Variants in OTC observed in about 807,000 individuals in gnomAD.
The protein encoded by OTC is ornithine transcarbamylase, mitochondrial.
Under a neutral mutation model 30.3 loss-of-function variants are expected in OTC, and 3 were observed. That is an observed-to-expected ratio of 0.10 (90% CI 0.05 to 0.26). The LOEUF (loss-of-function observed/expected upper bound fraction) is 0.26, where lower values mean the gene tolerates loss of function less well. OTC is among the 10% of genes least tolerant of loss of function. OTC has a pLI of 1.00. For synonymous variants in OTC, 111 were observed against 99.7 expected (o/e 1.11, Z -0.67); for missense variants, 194 against 260.3 (o/e 0.75, Z 1.75).
chrX:38,332,160 A>G, the OTC span, among the ~76,000 whole-genome samples: 1 of 109,472 alleles, frequency 9.1e-6, no homozygotes, highest in African/African-American at 3.3e-5. Context: ...ATGATCTGTC[A>G]TTGTTTCCCA....
chrX:38,342,211 C>T, the OTC span, among the ~76,000 whole-genome samples: 6 of 107,485 alleles, frequency 5.6e-5, no homozygotes, highest in African/African-American at 2.0e-4. Flanking sequence ...TTAGTAGAGC[C>T]GGGGTTTCAC....
the OTC span, among the ~76,000 whole-genome samples, chrX:38,330,790 A>C: frequency 7.1e-5 from 8 of 111,899 alleles, no homozygotes; most frequent in South Asian, 3.0e-3. Flanking sequence ...GCCCTCTCCA[A>C]ATTTGCAATG....
At chrX:38,421,626 G>A (rs896105685), downstream of OTC, among the ~76,000 whole-genome samples, 3 of 111,551 alleles carry the variant, frequency 2.7e-5, no homozygotes, top group Non-Finnish European at 5.7e-5. Flanking sequence ...TTAAAATATA[G>A]CTATTACTGT....
At chrX:38,358,371 T>G (rs1252135159) in intron 1 of OTC, among the ~76,000 whole-genome samples, 6 of 111,410 alleles carry the variant, frequency 5.4e-5, no homozygotes, top group Non-Finnish European at 1.1e-4. Context: ...CAACTCCATT[T>G]TGGAGCCAAG....
chrX:38,405,222 G>A (rs2068509874), intron 6 of OTC, among the ~76,000 whole-genome samples: 2 of 111,747 alleles, frequency 1.8e-5, no homozygotes, highest in African/African-American at 6.5e-5. Context: ...TGCTTCACCA[G>A]GTGTTTTTAT....
intron 1 of OTC, among the ~76,000 whole-genome samples, chrX:38,365,739 T>C (rs1324161236): frequency 2.7e-5 from 3 of 112,229 alleles, no homozygotes; most frequent in Middle Eastern, 4.6e-3. Context: ...AAAGACAGGC[T>C]AGTTAGCTGT....
the OTC span, among the ~76,000 whole-genome samples, chrX:38,335,335 G>T: frequency 8.9e-6 from 1 of 112,387 alleles, no homozygotes; most frequent in Non-Finnish European, 1.9e-5. Flanking sequence ...TGCAGTGTCT[G>T]GTTTTCAGCA....
the OTC span, among the ~76,000 whole-genome samples, chrX:38,331,439 TTTGTTTTTTTTTTTTG>T: frequency 4.2e-5 from 3 of 70,825 alleles, no homozygotes; most frequent in East Asian, 3.7e-4. Context: ...TTGTTTTTTT[TTTGTTTTTTTTTTTTG>T]TTTGTTTTTT....
the OTC span, among the ~76,000 whole-genome samples, chrX:38,343,877 G>C: frequency 8.9e-6 from 1 of 112,160 alleles, no homozygotes; most frequent in African/African-American, 3.2e-5. Flanking sequence ...GAAAGGGTAT[G>C]GCAGGAAAAG....
chrX:38,370,143 T>C (rs913415547), intron 3 of OTC, among the ~76,000 whole-genome samples: 2 of 112,547 alleles, frequency 1.8e-5, no homozygotes, highest in South Asian at 3.6e-4. Flanking sequence ...AAAAGAAATA[T>C]AGGTGGGCAC....
chrX:38,369,696 T>G, intron 2 of OTC, 100 bp from the exon 3 acceptor site: 1 of 403,642 alleles, frequency 2.5e-6, no homozygotes, highest in Non-Finnish European at 4.1e-6. Flanking sequence ...AAACACTTAT[T>G]TGGGGGTAGT....
At chrX:38,407,625 GA>G (rs2068521833) in intron 6 of OTC, among the ~76,000 whole-genome samples, 1 of 111,215 alleles carries the variant, frequency 9.0e-6, no homozygotes, top group Admixed American at 9.6e-5. Context: ...CCCAGGAGGG[GA>G]CAAGAGAGGA....
intron 1 of OTC, among the ~76,000 whole-genome samples, chrX:38,361,663 G>A (rs5963415): frequency 0.41 from 45,471 of 110,567 alleles, 7,171 homozygotes; most frequent in Middle Eastern, 0.55. Context: ...CTATATCATA[G>A]GTTCTAAGAT....
At chrX:38,412,114 T>A (rs1234062742) in intron 9 of OTC, 115 bp downstream of exon 9, 1 of 720,654 alleles carries the variant, frequency 1.4e-6, no homozygotes, top group Non-Finnish European at 2.1e-6. Context: ...TACTTGCTCA[T>A]GTAACATCTA....
chrX:38,419,566 A>G (rs1230492921), intron 9 of OTC, among the ~76,000 whole-genome samples: 2 of 111,010 alleles, frequency 1.8e-5, no homozygotes, highest in Admixed American at 9.6e-5. Flanking sequence ...TACAATTTAT[A>G]CCTAAGTAAT....
the OTC span, among the ~76,000 whole-genome samples, chrX:38,340,797 A>ATT: frequency 2.1e-4 from 22 of 105,487 alleles, no homozygotes; most frequent in African/African-American, 7.3e-4. Flanking sequence ...TCAGTTTCTG[A>ATT]TTTTTTTTTT....
At chrX:38,379,850 C>T (rs753499711) in intron 3 of OTC, among the ~76,000 whole-genome samples, 54 of 110,909 alleles carry the variant, frequency 4.9e-4, no homozygotes, top group South Asian at 1.9e-3. Flanking sequence ...AGGATGGTCT[C>T]GATTTCCTGA....
intron 3 of OTC, among the ~76,000 whole-genome samples, chrX:38,373,253 C>G (rs1478511121): frequency 8.9e-6 from 1 of 112,059 alleles, no homozygotes; most frequent in Non-Finnish European, 1.9e-5. Context: ...TCTAACATCA[C>G]AGATTCATTT....
chrX:38,331,979 C>T, the OTC span, among the ~76,000 whole-genome samples: 1 of 111,005 alleles, frequency 9.0e-6, no homozygotes, highest in Admixed American at 9.6e-5. Flanking sequence ...AGGAACAGGG[C>T]TGCAGAGCAA....
Sources: gnomAD v4.1 joint callset for allele counts (sites outside exome capture counted in the v4.1 genomes callset) on GRCh38, gnomAD v4.1.1 for gene constraint, MANE v1.5 for transcripts, NCBI Gene and HGNC (gene_info 2026-07-23, HGNC 2026-07-21) for gene names.